HAAO: variants seen among roughly 807,000 people sequenced by gnomAD.
HAAO encodes 3-hydroxyanthranilate oxygenase.
Under a neutral mutation model 46.2 loss-of-function variants are expected in HAAO, and 49 were observed. That is an observed-to-expected ratio of 1.06 (90% CI 0.84 to 1.34). The LOEUF is 1.34. HAAO is among the 40% of genes most tolerant of loss of function. The pLI is 0.00. For missense variants in HAAO, 408 were observed against 364.5 expected (o/e 1.12, Z -0.97); for synonymous variants, 157 against 145.2 (o/e 1.08, Z -0.58).
chr2:42,774,474 T>C (rs1038871174), intron 4 of HAAO, among the ~76,000 whole-genome samples: 1 of 152,234 alleles, frequency 6.6e-6, no homozygotes, highest in Non-Finnish European at 1.5e-5. Context: ...TTTATTTTGC[T>C]GTACAACTCC....
Position 42,767,466 on chromosome 2 carries a change from C to G in HAAO, c.832G>C (p.Asp278His). 6.2e-7 allele frequency: 1 copy of G among 1,613,390 alleles called. No individual in the cohort carries two copies. The highest frequency in any genetic ancestry group is 8.5e-7 in the Non-Finnish European group (1 of 1,179,784). ...QGSVALSVTQDPACKKPLG is the reference protein window; with the variant it reads ...QGSVALSVTQHPACKKPLG ...CCCAGGGGCTTCTTGCAGGCAGGGT[C>G]CTGGGTCACAGACAGGGCCACAGAG... Residue 278 changes from aspartate to histidine, a missense_variant, in exon 10 of 10, where the codon GAC becomes CAC. Coordinates refer to ENST00000294973, the MANE Select transcript of HAAO (RefSeq NM_012205.3).
chr2:42,791,640 G>T (rs1191161550), intron 1 of HAAO, among the ~76,000 whole-genome samples: 1 of 152,192 alleles, frequency 6.6e-6, no homozygotes, highest in African/African-American at 2.4e-5. Flanking sequence ...AGAATGAGAT[G>T]AGATGATGTA....
At chr2:42,788,712 G>A (rs1489492736) in intron 1 of HAAO, 105 bp from the exon 2 acceptor site, 3 of 777,584 alleles carry the variant, frequency 3.9e-6, no homozygotes, top group African/African-American at 3.4e-5. Context: ...CCTGGGAGAG[G>A]AGCAGGGCTG....
chr2:42,781,806 G>A (rs1390225331), intron 4 of HAAO, among the ~76,000 whole-genome samples: 1 of 152,086 alleles, frequency 6.6e-6, no homozygotes, highest in Non-Finnish European at 1.5e-5. Context: ...CCCAGGGGGC[G>A]GAGGTTGCAG....
chr2:42,785,198 C>T (rs1395116669), intron 2 of HAAO, among the ~76,000 whole-genome samples: 1 of 152,152 alleles, frequency 6.6e-6, no homozygotes, highest in East Asian at 1.9e-4. Flanking sequence ...CATATGTGCT[C>T]AGCGCATAGT....
chr2:42,784,078 C>T (rs1672215984), intron 2 of HAAO: 2 of 480,716 alleles, frequency 4.2e-6, no homozygotes, highest in East Asian at 1.5e-4. Context: ...CTTGGACATG[C>T]AAGTGATGAC....
At chr2:42,769,157 G>A (rs548100540) in intron 7 of HAAO, among the ~76,000 whole-genome samples, 7 of 152,290 alleles carry the variant, frequency 4.6e-5, no homozygotes, top group African/African-American at 1.4e-4. Flanking sequence ...GGCAATTGTT[G>A]ATTAACTTGT....
chr2:42,781,683 G>C (rs1322035876), intron 4 of HAAO, among the ~76,000 whole-genome samples: 1 of 152,068 alleles, frequency 6.6e-6, no homozygotes, highest in African/African-American at 2.4e-5. Flanking sequence ...GACTAGCCTG[G>C]CCAACATGGT....
At chr2:42,768,227 G>A (rs947224150) in intron 7 of HAAO, among the ~76,000 whole-genome samples, 1 of 152,248 alleles carries the variant, frequency 6.6e-6, no homozygotes, top group African/African-American at 2.4e-5. Context: ...CAGGGCACAT[G>A]AGGGACGCAT....
chr2:42,784,007 T>C lies in HAAO; in HGVS notation c.160-140A>G, dbSNP rs111633043. The C allele has an allele frequency of 1.4e-4, 202 of 1,456,750 alleles. 7 individuals carry two copies. The African/African-American group carries it at 2.0e-3, about 14-fold the overall frequency. The allele number at this position is 1,456,750 out of a possible 1,614,324, so 90.2% of individuals were successfully genotyped here. A position where few individuals can be genotyped will look rare whatever the true frequency, so the allele number is the denominator to read the frequency against. On this transcript the variant is annotated intron_variant, in intron 2 of 9. Coordinates refer to ENST00000294973, the MANE Select transcript of HAAO (RefSeq NM_012205.3). ...AGTTGATGGGCAGCTCCGTCACTTC[T>C]GTCCTGAGGCCTGTCTCCCCGGTGC...
chr2:42,783,374 G>C lies in HAAO; in HGVS notation c.290C>G (p.Ala97Gly), dbSNP rs1672153280. Residue 97 changes from alanine (A) to glycine (G), a missense_variant, in exon 4 of 10, where the codon GCC becomes GGC. By Grantham distance (60) the Ala-to-Gly change is moderately conservative. Coordinates refer to ENST00000294973, the MANE Select transcript of HAAO (RefSeq NM_012205.3). ...ARVPHSPQRF[A>G]NTVGLVVERR... ...CTCAACCACCAGCCCCACGGTGTTG[G>C]CAAACCTCTGTGGTGAGTGGGGCAC... The C allele has an allele frequency of 6.2e-7, 1 of 1,613,146 alleles. No homozygotes were observed. The highest frequency in any genetic ancestry group is 1.3e-5 in the African/African-American group (1 of 74,930).
At chr2:42,767,970 C>T in intron 7 of HAAO, 42 bp from the exon 8 acceptor site, 1 of 1,567,828 alleles carries the variant, frequency 6.4e-7, no homozygotes, top group Non-Finnish European at 8.8e-7. Context: ...CTTCTTGCCC[C>T]ACATGGGAGA....
intron 4 of HAAO, chr2:42,783,025 A>G (rs1672125657): frequency 2.0e-6 from 1 of 498,426 alleles, no homozygotes; most frequent in Non-Finnish European, 3.7e-6. Flanking sequence ...TCGAATTTTC[A>G]AGGTTCACAA....
chr2:42,788,630 G>C (rs746615125), intron 1 of HAAO, 23 bp from the exon 2 acceptor site: 1 of 1,378,754 alleles, frequency 7.3e-7, no homozygotes, highest in Admixed American at 1.7e-5. Flanking sequence ...AAGTGGGGGA[G>C]ACGTTCTAAA....
Position 42,792,439 on chromosome 2 carries a change from TG to T in HAAO, c.80+17del, listed in dbSNP as rs748841121. Reference sequence around the variant, plus strand: ...AGGAGGCGAGGGCAGGGGGCGGCCATGGGGGTGCTGGACTCACATGAGCTTG... The same window carrying T: ...AGGAGGCGAGGGCAGGGGGCGGCCATGGGGTGCTGGACTCACATGAGCTTG... On this transcript the variant is annotated intron_variant, in intron 1 of 9. Coordinates refer to ENST00000294973, the MANE Select transcript of HAAO (RefSeq NM_012205.3). The T allele has an allele frequency of 4.1e-6, 6 of 1,477,218 alleles. No homozygotes were observed. Among genetic ancestry groups the T allele is most frequent in the East Asian group, 2.6e-5 (1 of 38,242 alleles). The allele number at this position is 1,477,218 out of a possible 1,614,324, so 91.5% of individuals were successfully genotyped here.
At chr2:42,767,999 C>A in intron 7 of HAAO, 71 bp from the exon 8 acceptor site, 3 of 1,342,088 alleles carry the variant, frequency 2.2e-6, no homozygotes, top group Non-Finnish European at 3.2e-6. Flanking sequence ...AACCTGGCCC[C>A]CAGACACCAG....
intron 5 of HAAO, 22 bp from the exon 6 acceptor site, chr2:42,770,208 A>G: frequency 6.3e-7 from 1 of 1,588,048 alleles, no homozygotes; most frequent in South Asian, 1.1e-5. Flanking sequence ...AACAGGGAGG[A>G]GCAGGAGTGG....
intron 4 of HAAO, among the ~76,000 whole-genome samples, chr2:42,770,809 G>T (rs1375320460): frequency 1.3e-5 from 2 of 152,096 alleles, no homozygotes; most frequent in African/African-American, 2.4e-5. Flanking sequence ...GCTCTCTCCG[G>T]TTCCCAAAAC....
chr2:42,770,579 G>C lies in HAAO; in HGVS notation c.354C>G (p.Tyr118Ter). ...GAACGTCCATGGTGTCGCCCACATA[G>C]TACCTGCCAGAGCAGAGGACAGGCA... The part of the protein sequence containing the change: ...RLETELDGLR[Y>*]YVGDTMDVLF... Residue 118 changes from tyrosine to a stop codon, truncating the protein, a stop_gained, in exon 5 of 10, where the codon TAC becomes TAG. Coordinates refer to ENST00000294973, the MANE Select transcript of HAAO (RefSeq NM_012205.3). LOFTEE classifies it high-confidence loss of function. 1.3e-6 allele frequency: 2 copies of C among 1,549,226 alleles called. No homozygotes were observed. Among genetic ancestry groups the C allele is most frequent in the Non-Finnish European group, 1.7e-6 (2 of 1,145,276 alleles).
Sources: gnomAD v4.1 joint callset for allele counts (sites outside exome capture counted in the v4.1 genomes callset) on GRCh38, gnomAD v4.1.1 for gene constraint, MANE v1.5 for transcripts, NCBI Gene and HGNC (gene_info 2026-07-23, HGNC 2026-07-21) for gene names.